Variants in POT1 observed in about 807,000 individuals in gnomAD.
POT1 encodes the protein protection of telomeres 1, also known as protection of telomeres protein 1.
Under a neutral mutation model 78.5 loss-of-function variants are expected in POT1, and 47 were observed. That is an observed-to-expected ratio of 0.60 (90% CI 0.47 to 0.76). The LOEUF is 0.76. Among genes scored for constraint, POT1 ranks in the 30% least tolerant of loss-of-function variants. The probability of loss-of-function intolerance (pLI) is 0.00; values close to 1 mark genes in which losing one functional copy is unlikely to be tolerated. For synonymous variants in POT1, 259 were observed against 260.7 expected (o/e 0.99, Z 0.06); for missense variants, 646 against 749.9 (o/e 0.86, Z 1.62).
intron 2 of POT1, among the ~76,000 whole-genome samples, chr7:124,925,804 A>G (rs999656772): frequency 2.6e-5 from 4 of 152,190 alleles, no homozygotes; most frequent in Non-Finnish European, 4.4e-5. Context: ...ATAAAGTCAA[A>G]TACTTACAGC....
chr7:124,903,141 C>T (rs1307117635), intron 3 of POT1, among the ~76,000 whole-genome samples: 1 of 152,124 alleles, frequency 6.6e-6, no homozygotes, highest in East Asian at 1.9e-4. Flanking sequence ...ACAAGGATAT[C>T]CAGGACTTGA....
chr7:124,892,038 C>T (rs553551851), intron 6 of POT1, among the ~76,000 whole-genome samples: 63 of 151,660 alleles, frequency 4.2e-4, no homozygotes, highest in African/African-American at 1.5e-3. Flanking sequence ...TGCTGTTTGG[C>T]ATCCTTTGCT....
At chr7:124,859,286 G>A (rs1244954561) in intron 8 of POT1, among the ~76,000 whole-genome samples, 174 bp from the exon 9 acceptor site, 1 of 152,094 alleles carries the variant, frequency 6.6e-6, no homozygotes, top group Middle Eastern at 3.2e-3. Context: ...TGAAATATGG[G>A]TAATGTGGAA....
chr7:124,923,068 A>G (rs1797190094), intron 2 of POT1, among the ~76,000 whole-genome samples: 1 of 151,916 alleles, frequency 6.6e-6, no homozygotes, highest in South Asian at 2.1e-4. Flanking sequence ...TTGCTACACT[A>G]GATGCACAGA....
intron 15 of POT1, among the ~76,000 whole-genome samples, chr7:124,833,672 T>C (rs992698628): frequency 3.3e-5 from 5 of 152,208 alleles, no homozygotes; most frequent in African/African-American, 1.2e-4. Context: ...GCTCTGAATT[T>C]TTCTCTGTAA....
intron 15 of POT1, among the ~76,000 whole-genome samples, chr7:124,832,850 A>C (rs906048406): frequency 6.6e-6 from 1 of 151,312 alleles, no homozygotes; most frequent in African/African-American, 2.4e-5. Flanking sequence ...GGGGTCCTTA[A>C]GGTAATTTTT....
chr7:124,869,376 T>G (rs1414839330), intron 7 of POT1, among the ~76,000 whole-genome samples: 8 of 152,154 alleles, frequency 5.3e-5, no homozygotes, highest in African/African-American at 1.9e-4. Context: ...GTTAGCTATG[T>G]GAGTATGGTT....
At chr7:124,920,529 C>CA (rs969458223) in intron 2 of POT1, among the ~76,000 whole-genome samples, 16 of 151,878 alleles carry the variant, frequency 1.1e-4, no homozygotes, top group Middle Eastern at 3.4e-3. Flanking sequence ...GAAGTGTATG[C>CA]AAAAAACAGA....
intron 6 of POT1, among the ~76,000 whole-genome samples, chr7:124,883,512 T>C (rs1370759266): frequency 6.6e-6 from 1 of 152,000 alleles, no homozygotes; most frequent in Non-Finnish European, 1.5e-5. Context: ...AACAAATGAG[T>C]GAACCGAAAT....
intron 18 of POT1, among the ~76,000 whole-genome samples, chr7:124,824,336 T>C (rs920666223): frequency 1.3e-5 from 2 of 151,972 alleles, no homozygotes; most frequent in African/African-American, 4.8e-5. Flanking sequence ...GGTTTCAAAA[T>C]GGTTGGTATA....
At chr7:124,896,168 G>A (rs1288659758) in intron 5 of POT1, among the ~76,000 whole-genome samples, 1 of 151,564 alleles carries the variant, frequency 6.6e-6, no homozygotes, top group Non-Finnish European at 1.5e-5. Context: ...GTTTAAAAAT[G>A]TAGAAATGTA....
intron 9 of POT1, among the ~76,000 whole-genome samples, chr7:124,856,325 A>G (rs952732025): frequency 1.3e-5 from 2 of 152,208 alleles, no homozygotes; most frequent in African/African-American, 4.8e-5. Flanking sequence ...TGTGATGTCA[A>G]TGTGTATTAA....
chr7:124,864,780 A>C (rs1795681109), intron 7 of POT1, among the ~76,000 whole-genome samples: 1 of 152,152 alleles, frequency 6.6e-6, no homozygotes, highest in Non-Finnish European at 1.5e-5. Context: ...TTTTTTCTAC[A>C]TATTTTATAA....
chr7:124,928,161 T>G (rs1247971217), intron 2 of POT1, among the ~76,000 whole-genome samples: 2 of 152,196 alleles, frequency 1.3e-5, no homozygotes. Flanking sequence ...CATCATCCCC[T>G]CTGCCACTGG....
At chr7:124,840,906 A>G (rs779366433) in intron 14 of POT1, 67 bp downstream of exon 14, 37 of 1,289,010 alleles carry the variant, frequency 2.9e-5, no homozygotes, top group Non-Finnish European at 4.0e-5. Context: ...AATGTATTAA[A>G]CAATAATTAA....
chr7:124,903,308 A>G (rs1285976169), intron 3 of POT1, among the ~76,000 whole-genome samples: 1 of 152,230 alleles, frequency 6.6e-6, no homozygotes, highest in Non-Finnish European at 1.5e-5. Flanking sequence ...AAGAACAGAA[A>G]TTATAACAAA....
At chr7:124,851,380 G>T (rs563539540) in intron 11 of POT1, among the ~76,000 whole-genome samples, 49 of 152,216 alleles carry the variant, frequency 3.2e-4, no homozygotes, top group African/African-American at 1.1e-3. Flanking sequence ...TTCAAGTTCA[G>T]ATTTGACTAG....
In POT1 at chr7:124,892,311, C is replaced by A; in HGVS notation, c.79G>T (p.Gly27Cys). 6.5e-7 allele frequency: 1 copy of A among 1,543,866 alleles called. No individual in the cohort carries two copies. The highest frequency in any genetic ancestry group is 8.7e-7 in the Non-Finnish European group (1 of 1,152,076). ...GGGGGCTTAAAGAACTTCACAACAC[C>A]ATAGACATTGACAATTGTACCACCC... ...LKGGTIVNVY[G>C]VVKFFKPPYL... Residue 27 changes from glycine to cysteine, a missense_variant, in exon 6 of 19, where the codon GGT (glycine) becomes TGT (cysteine). Transcript: ENST00000357628.
intron 9 of POT1, among the ~76,000 whole-genome samples, chr7:124,856,446 A>AT (rs1173141606): frequency 7.2e-6 from 1 of 139,834 alleles, no homozygotes; most frequent in Non-Finnish European, 1.5e-5. Context: ...AGTGCCATAC[A>AT]TTTTCTTAAT....
Sources: gnomAD v4.1 joint callset for allele counts (sites outside exome capture counted in the v4.1 genomes callset) on GRCh38, gnomAD v4.1.1 for gene constraint, MANE v1.5 for transcripts, NCBI Gene and HGNC (gene_info 2026-07-23, HGNC 2026-07-21) for gene names.